Variants in CCL28 observed in about 807,000 individuals in gnomAD.
The protein encoded by CCL28 is C-C motif chemokine 28.
In CCL28, 4 loss-of-function variants were observed where a neutral mutation model predicts 7.1. The observed-to-expected ratio is 0.56, with a 90% CI of 0.28 to 1.29. The LOEUF (loss-of-function observed/expected upper bound fraction) is 1.29, where lower values mean the gene tolerates loss of function less well. Ranked by LOEUF, CCL28 falls within the 50% of genes most tolerant of loss-of-function variation. The pLI is 0.11. For synonymous variants in CCL28, 55 were observed against 57.8 expected (o/e 0.95, Z 0.22); for missense variants, 151 against 163.4 (o/e 0.92, Z 0.41).
chr5:43,374,007 CAT>C (rs752652466), downstream of CCL28, among the ~76,000 whole-genome samples: 1 of 152,218 alleles, frequency 6.6e-6, no homozygotes, highest in Non-Finnish European at 1.5e-5. Flanking sequence ...CTTAATTTAA[CAT>C]AGTTTCCTAG....
chr5:43,391,596 T>C (rs1339215200), intron 1 of CCL28, among the ~76,000 whole-genome samples: 2 of 152,206 alleles, frequency 1.3e-5, no homozygotes, highest in African/African-American at 4.8e-5. Flanking sequence ...ATCACCCAAA[T>C]GTTATTAATG....
At chr5:43,363,749 CT>C in the CCL28 span, among the ~76,000 whole-genome samples, 1 of 152,172 alleles carries the variant, frequency 6.6e-6, no homozygotes, top group African/African-American at 2.4e-5. Context: ...GTTGGTACCT[CT>C]TTCCCAAAAA....
intron 2 of CCL28, among the ~76,000 whole-genome samples, chr5:43,382,782 A>G (rs1236008747): frequency 6.6e-6 from 1 of 152,110 alleles, no homozygotes; most frequent in Admixed American, 6.6e-5. Context: ...TCTATGCCAC[A>G]GTTCAGAATG....
At chr5:43,375,361 C>CAAA (rs56103146), downstream of CCL28, among the ~76,000 whole-genome samples, 1 of 45,494 alleles carries the variant, frequency 2.2e-5, no homozygotes, top group Non-Finnish European at 3.5e-5. Flanking sequence ...GACTCTGTCT[C>CAAA]AAAAAAAAAA....
At chr5:43,382,313 A>T (rs1453101963) in intron 2 of CCL28, among the ~76,000 whole-genome samples, 1 of 152,178 alleles carries the variant, frequency 6.6e-6, no homozygotes, top group Admixed American at 6.5e-5. Flanking sequence ...GAGAAGAAGG[A>T]ATTGGATGAG....
At chr5:43,387,785 C>T (rs914544675) in intron 2 of CCL28, among the ~76,000 whole-genome samples, 2 of 152,132 alleles carry the variant, frequency 1.3e-5, no homozygotes, top group African/African-American at 2.4e-5. Context: ...GCCACCATGC[C>T]TGGCTAGTTT....
the CCL28 span, among the ~76,000 whole-genome samples, chr5:43,360,512 A>G: frequency 2.6e-5 from 4 of 152,180 alleles, no homozygotes; most frequent in Admixed American, 6.5e-5. Flanking sequence ...ATACGTGAGA[A>G]CATGTGGTAT....
At position 43,391,445 on chromosome 5, in the gene CCL28, A is replaced by T. The variant is rs1740567619; in HGVS notation, c.65-2969T>A. 2.0e-5 allele frequency among the ~76,000 whole-genome samples: 3 copies of T among 152,250 alleles called. No homozygotes were observed. In the South Asian group the frequency reaches 6.2e-4, roughly 31 times the overall value. ...CTATGGAAACTTTAAAAATCAAGAC[A>T]TGACAATTCACCTAAACTAATACTT... On this transcript the variant is annotated intron_variant, in intron 1 of 2. Coordinates refer to ENST00000361115, the MANE Select transcript of CCL28 (RefSeq NM_148672.3).
intron 1 of CCL28, among the ~76,000 whole-genome samples, chr5:43,406,159 C>T (rs1446155578): frequency 2.6e-5 from 4 of 152,116 alleles, no homozygotes; most frequent in Admixed American, 1.3e-4. Flanking sequence ...AGGCCAGCAT[C>T]ATCCTGATAC....
the CCL28 span, among the ~76,000 whole-genome samples, chr5:43,363,451 G>A: frequency 6.6e-6 from 1 of 152,096 alleles, no homozygotes; most frequent in Non-Finnish European, 1.5e-5. Context: ...TCCAGAATTG[G>A]GCTCCACAGT....
At chr5:43,374,130 A>G (rs556526189), downstream of CCL28, among the ~76,000 whole-genome samples, 15 of 152,326 alleles carry the variant, frequency 9.8e-5, no homozygotes, top group African/African-American at 3.6e-4. Flanking sequence ...ATTGTAATTG[A>G]GCAAATAAGA....
At chr5:43,375,487 C>G (rs1200149806), downstream of CCL28, among the ~76,000 whole-genome samples, 1 of 62,276 alleles carries the variant, frequency 1.6e-5, no homozygotes, top group South Asian at 4.0e-4. Flanking sequence ...AAAAAAAAAG[C>G]CATTGCCAAC....
intron 2 of CCL28, among the ~76,000 whole-genome samples, chr5:43,385,387 C>T (rs747896685): frequency 1.1e-4 from 16 of 152,184 alleles, no homozygotes; most frequent in Admixed American, 1.3e-4. Context: ...GTTTACCGTA[C>T]GTTGACTTAT....
At chr5:43,392,273 C>T (rs144489483) in intron 1 of CCL28, among the ~76,000 whole-genome samples, 392 of 152,170 alleles carry the variant, frequency 2.6e-3, no homozygotes, top group Non-Finnish European at 4.5e-3. Flanking sequence ...TGTGCCAACA[C>T]GCCTGTTTAA....
At chr5:43,362,604 CTA>C in the CCL28 span, among the ~76,000 whole-genome samples, 1 of 152,072 alleles carries the variant, frequency 6.6e-6, no homozygotes, top group Non-Finnish European at 1.5e-5. Flanking sequence ...ATTGTTAAAA[CTA>C]ATATTTTACT....
the CCL28 span, among the ~76,000 whole-genome samples, chr5:43,368,223 A>G: frequency 2.0e-5 from 3 of 152,198 alleles, no homozygotes. Flanking sequence ...TGGTAGTTGC[A>G]ACAAAAGAGC....
At chr5:43,411,071 C>T (rs1234090210) in intron 1 of CCL28, among the ~76,000 whole-genome samples, 1 of 152,174 alleles carries the variant, frequency 6.6e-6, no homozygotes, top group Non-Finnish European at 1.5e-5. Context: ...TTAGCCAGTT[C>T]TTGCCATGGT....
chr5:43,366,466 A>T, the CCL28 span, among the ~76,000 whole-genome samples: 1 of 152,082 alleles, frequency 6.6e-6, no homozygotes, highest in Non-Finnish European at 1.5e-5. Flanking sequence ...TCCACTTCAG[A>T]CCCTGTTTGC....
At chr5:43,389,727 G>T (rs1003179694) in intron 1 of CCL28, among the ~76,000 whole-genome samples, 5 of 152,314 alleles carry the variant, frequency 3.3e-5, no homozygotes, top group African/African-American at 9.6e-5. Flanking sequence ...GATGGGCTCA[G>T]CTGGAGATCA....
Sources: gnomAD v4.1 joint callset for allele counts (sites outside exome capture counted in the v4.1 genomes callset) on GRCh38, gnomAD v4.1.1 for gene constraint, MANE v1.5 for transcripts, NCBI Gene and HGNC (gene_info 2026-07-23, HGNC 2026-07-21) for gene names.